Variants in EFNB3 observed in about 807,000 individuals in gnomAD.
EFNB3 encodes the protein ephrin B3.
In EFNB3, 14 loss-of-function variants were observed where a neutral mutation model predicts 29.8. That is an observed-to-expected ratio of 0.47 (90% CI 0.31 to 0.73). The LOEUF is 0.73. EFNB3 is among the 30% of genes least tolerant of loss of function. The pLI, the probability that EFNB3 is intolerant of heterozygous loss-of-function variation, is 0.05. For synonymous variants in EFNB3, 216 were observed against 191.6 expected (o/e 1.13, Z -1.05); for missense variants, 408 against 458.0 (o/e 0.89, Z 1.00).
At chr17:7,706,407 C>T (rs1315513968) in intron 1 of EFNB3, among the ~76,000 whole-genome samples, 1 of 152,112 alleles carries the variant, frequency 6.6e-6, no homozygotes, top group Admixed American at 6.6e-5. Flanking sequence ...CCCCCTCCCC[C>T]AATCTTTGCT....
In EFNB3 at chr17:7,709,749, C is replaced by T. The variant is rs2074342951; in HGVS notation, c.*173C>T. 4.2e-6 allele frequency: 3 copies of T among 721,428 alleles called. No homozygotes were observed. Among genetic ancestry groups the T allele is most frequent in the South Asian group, 1.6e-5 (1 of 62,560 alleles). 44.7% of individuals were successfully genotyped at this position (721,428 alleles called of 1,614,324 possible). A position where few individuals can be genotyped will look rare whatever the true frequency, so the allele number is the denominator to read the frequency against. ...CTTTTAGGATTCCTTAGGATTCCCACTGCCCCACTTCCTGCCCTCCCGTTT... is the reference window on the plus strand; with the variant it reads ...CTTTTAGGATTCCTTAGGATTCCCATTGCCCCACTTCCTGCCCTCCCGTTT... On this transcript the variant is annotated 3_prime_UTR_variant, in exon 5 of 5. Coordinates refer to ENST00000226091, the MANE Select transcript of EFNB3 (RefSeq NM_001406.4). The surrounding 1 kb of genome is among the most constrained non-coding windows in gnomAD (Gnocchi z 4.5).
Position 7,710,944 on chromosome 17 carries a change from A to G in EFNB3, c.*1368A>G, listed in dbSNP as rs1049306657. 3.9e-5 allele frequency: 6 copies of G among 152,670 alleles called. No homozygotes were observed. Among genetic ancestry groups the G allele is most frequent in the African/African-American group, 1.2e-4 (5 of 41,446 alleles). The allele number at this position is 152,670 out of a possible 1,614,324, so 9.5% of individuals were successfully genotyped here. ...ACATTTCTGACTCCTTTCAGACTCA[A>G]CACAGTTCCCTTCTTAGTGACCAAA... On this transcript the variant is annotated 3_prime_UTR_variant, in exon 5 of 5. Coordinates refer to ENST00000226091, the MANE Select transcript of EFNB3 (RefSeq NM_001406.4).
Position 7,709,193 on chromosome 17 carries a change from C to G in EFNB3, c.640C>G (p.Arg214Gly). ...TGACCCCACCAGCAATGCAACCTCCCGGGGTGCTGAAGGCCCCCTGCCCCC... is the reference window on the plus strand; with the variant it reads ...TGACCCCACCAGCAATGCAACCTCCGGGGGTGCTGAAGGCCCCCTGCCCCC... ...PGDPTSNATS[R>G]GAEGPLPPPS... Residue 214 changes from arginine (R) to glycine (G), a missense_variant, in exon 5 of 5, where the codon CGG (arginine) becomes GGG (glycine). Physicochemically the swap from Arg to Gly is moderately radical, Grantham distance 125. Transcript: ENST00000226091. This position sits in a 1 kb window ranked among gnomAD's most constrained non-coding sequence, Gnocchi z 4.5. 1 of 1,604,058 alleles carries G rather than the reference C, an allele frequency of 6.2e-7. No individual in the cohort carries two copies. Among genetic ancestry groups the G allele is most frequent in the Non-Finnish European group, 8.5e-7 (1 of 1,178,392 alleles).
rs1054815334 is a variant in EFNB3, at chr17:7,709,669, GCCC to G, written c.*96_*98del. The G allele has an allele frequency of 4.6e-5, 61 of 1,315,308 alleles. No individual in the cohort carries two copies. In the African/African-American group the frequency reaches 7.8e-4, roughly 17 times the overall value. 81.5% of individuals were successfully genotyped at this position (1,315,308 alleles called of 1,614,324 possible). ...TTTGAGGGACACCTCTAACATCTCGGCCCCCTGTGCCCCCCCAGCCCCTTCACT... is the reference window on the plus strand; with the variant it reads ...TTTGAGGGACACCTCTAACATCTCGGCCTGTGCCCCCCCAGCCCCTTCACT... On this transcript the variant is annotated 3_prime_UTR_variant, in exon 5 of 5. Coordinates refer to ENST00000226091, the MANE Select transcript of EFNB3 (RefSeq NM_001406.4). The surrounding 1 kb of genome is among the most constrained non-coding windows in gnomAD (Gnocchi z 4.5).
At position 7,707,972 on chromosome 17, in the gene EFNB3, G is replaced by A; in HGVS notation, c.137G>A (p.Gly46Asp). 6.2e-7 allele frequency: 1 copy of A among 1,612,488 alleles called. No individual in the cohort carries two copies. Among genetic ancestry groups the A allele is most frequent in the Non-Finnish European group, 8.5e-7 (1 of 1,179,000 alleles). ...CCTCCCCATAGGTTCCAGGCAGAGG[G>A]TGGTTATGTGCTGTACCCTCAGATC... ...NSANKRFQAE[G>D]GYVLYPQIGD... The change falls in exon 2 of 5, where the codon GGT becomes GAT. Residue 46 changes from glycine to aspartate, a missense_variant. This residue lies in a region of EFNB3 where 128 missense variants were observed against 140.8 expected (regional missense o/e 0.91). Coordinates refer to ENST00000226091, the MANE Select transcript of EFNB3 (RefSeq NM_001406.4).
chr17:7,708,435 C>A lies in EFNB3; in HGVS notation c.416C>A (p.Ala139Asp). ...TCTTCCTCTGGCTTTTCTCTCCCAG[C>A]CACATCGGATGGGACCCGGGAGGGC... Reference protein sequence around the residue: ...FRSHHDYYIIATSDGTREGLE... With the variant: ...FRSHHDYYIIDTSDGTREGLE... The change falls in exon 3 of 5, where the codon GCC becomes GAC. Residue 139 changes from alanine to aspartate, a missense_variant and splice_region_variant. By Grantham distance (126) the Ala-to-Asp change is moderately radical. Transcript: ENST00000226091. This position sits in a 1 kb window ranked among gnomAD's most constrained non-coding sequence, Gnocchi z 6.8. 6.2e-7 allele frequency: 1 copy of A among 1,612,180 alleles called. No homozygotes were observed. The highest frequency in any genetic ancestry group is 8.5e-7 in the Non-Finnish European group (1 of 1,179,136).
rs749063576 is a variant in EFNB3, at chr17:7,705,416, T to A, written c.-183T>A. ...CTGCAGACGGCCCCTGGAAGGGCTC[T>A]GGTGGGGCTGAGCGCTCTGCCGCGG... is the stretch of plus-strand genomic sequence containing the variant. On this transcript the variant is annotated 5_prime_UTR_variant, in exon 1 of 5. Transcript: ENST00000226091. The surrounding 1 kb of genome is among the most constrained non-coding windows in gnomAD (Gnocchi z 5.4). 2.2e-6 allele frequency: 1 copy of A among 456,238 alleles called. No homozygotes were observed. Among genetic ancestry groups the A allele is most frequent in the Non-Finnish European group, 3.8e-6 (1 of 260,562 alleles). The allele number at this position is 456,238 out of a possible 1,614,324, so 28.3% of individuals were successfully genotyped here. A position where few individuals can be genotyped will look rare whatever the true frequency, so the allele number is the denominator to read the frequency against.
Position 7,709,607 on chromosome 17 carries a change from A to G in EFNB3, c.*31A>G. ...CCTCTCACGTGGCTATCCTGAATCCAGCCCTTCTTGGGGTGCTCCTCCAGT... is the reference window on the plus strand; with the variant it reads ...CCTCTCACGTGGCTATCCTGAATCCGGCCCTTCTTGGGGTGCTCCTCCAGT... On this transcript the variant is annotated 3_prime_UTR_variant, in exon 5 of 5. Coordinates refer to ENST00000226091, the MANE Select transcript of EFNB3 (RefSeq NM_001406.4). This position sits in a 1 kb window ranked among gnomAD's most constrained non-coding sequence, Gnocchi z 4.5. 2 of 1,613,256 alleles carry G rather than the reference A, an allele frequency of 1.2e-6. No homozygotes were observed. The highest frequency in any genetic ancestry group is 1.1e-5 in the South Asian group (1 of 91,034).
rs911369973 is a variant in EFNB3, at chr17:7,710,756, T to A, written c.*1180T>A. The stretch of plus-strand genomic sequence containing the variant: ...TCCCTTCCCTTGTGCTCTGTGCTGA[T>A]TTTAGGACAGCTAAGATGACTGCCA... On this transcript the variant is annotated 3_prime_UTR_variant, in exon 5 of 5. Coordinates refer to ENST00000226091, the MANE Select transcript of EFNB3 (RefSeq NM_001406.4). 7 of 152,710 alleles carry A rather than the reference T, an allele frequency of 4.6e-5. No homozygotes were observed. Among genetic ancestry groups the A allele is most frequent in the African/African-American group, 1.7e-4 (7 of 41,466 alleles). The allele number at this position is 152,710 out of a possible 1,614,324, so 9.5% of individuals were successfully genotyped here. A position where few individuals can be genotyped will look rare whatever the true frequency, so the allele number is the denominator to read the frequency against.
chr17:7,708,349 C>T lies in EFNB3; in HGVS notation c.416-86C>T. On this transcript the variant is annotated intron_variant, in intron 2 of 4. Transcript: ENST00000226091. This position sits in a 1 kb window ranked among gnomAD's most constrained non-coding sequence, Gnocchi z 6.8. ...GCCAAGAGGGAGATCCCAGTGCCCT[C>T]AGGCAGTGTTCACACCAGGGTGTGG... The T allele has an allele frequency of 6.3e-7, 1 of 1,582,960 alleles. No individual in the cohort carries two copies. The highest frequency in any genetic ancestry group is 8.6e-7 in the Non-Finnish European group (1 of 1,162,618).
Sources: allele counts gnomAD v4.1 joint callset (sites outside exome capture counted in the v4.1 genomes callset), GRCh38; gene constraint gnomAD v4.1.1; regional missense constraint gnomAD v4.1.1; non-coding constraint Gnocchi (gnomAD v3.1); transcripts MANE v1.5; gene names NCBI Gene and HGNC (gene_info 2026-07-23, HGNC 2026-07-21).